The following DHX32 variants were observed in gnomAD, a reference collection of about 807,000 sequenced individuals.
DHX32 encodes the protein DEAH-box helicase 32 (putative), also known as putative pre-mRNA-splicing factor ATP-dependent RNA helicase DHX32.
Under a neutral mutation model 70.0 loss-of-function variants are expected in DHX32, and 51 were observed. The ratio of observed to expected loss-of-function variants is 0.73; its 90% CI spans 0.58 to 0.92. DHX32 has a LOEUF of 0.92. Among genes scored for constraint, DHX32 ranks in the 40% least tolerant of loss-of-function variants. The probability of loss-of-function intolerance (pLI) is 0.00; values close to 1 mark genes in which losing one functional copy is unlikely to be tolerated. For missense variants in DHX32, 762 were observed against 891.8 expected (o/e 0.85, Z 1.85); for synonymous variants, 310 against 315.3 (o/e 0.98, Z 0.18).
At chr10:125,853,321 C>A in intron 4 of DHX32, 1 of 808,892 alleles carries the variant, frequency 1.2e-6, no homozygotes, top group Non-Finnish European at 1.8e-6. Context: ...GTAAATTAGT[C>A]AATATTTGTT....
At chr10:125,863,729 G>A (rs1221509963) in intron 2 of DHX32, among the ~76,000 whole-genome samples, 3 of 152,144 alleles carry the variant, frequency 2.0e-5, no homozygotes, top group African/African-American at 4.8e-5. Context: ...GATTACAGGC[G>A]TGAGCCACCG....
chr10:125,882,473 A>G (rs1315276649), upstream of DHX32, among the ~76,000 whole-genome samples: 5 of 151,180 alleles, frequency 3.3e-5, no homozygotes, highest in Admixed American at 1.3e-4. Flanking sequence ...AGTGTCTTCT[A>G]AGGGCTTATT....
At chr10:125,874,713 CT>C (rs1321650392) in intron 1 of DHX32, among the ~76,000 whole-genome samples, 1 of 152,078 alleles carries the variant, frequency 6.6e-6, no homozygotes, top group Non-Finnish European at 1.5e-5. Context: ...AGAATAAACC[CT>C]GTAGTGCTAA....
At chr10:125,879,006 C>T (rs1179861871) in intron 1 of DHX32, among the ~76,000 whole-genome samples, 1 of 145,666 alleles carries the variant, frequency 6.9e-6, no homozygotes, top group Non-Finnish European at 1.5e-5. Context: ...CAGCGCCCAG[C>T]CTTTTCTTGT....
intron 1 of DHX32, among the ~76,000 whole-genome samples, chr10:125,895,436 C>CA (rs1480884391): frequency 7.2e-5 from 11 of 152,260 alleles, no homozygotes; most frequent in Non-Finnish European, 1.5e-4. Flanking sequence ...CTTAATGCCC[C>CA]TGCACTTTCT....
chr10:125,864,656 C>T (rs953162817), intron 2 of DHX32, among the ~76,000 whole-genome samples: 3 of 151,990 alleles, frequency 2.0e-5, no homozygotes, highest in Non-Finnish European at 2.9e-5. Context: ...AGGCTGGGTG[C>T]GGTAGCTCAC....
In DHX32 at chr10:125,841,736, A is replaced by T; in HGVS notation, c.1543+7T>A. On this transcript the variant is annotated splice_region_variant and intron_variant, in intron 7 of 10. Transcript: ENST00000284690. The stretch of plus-strand genomic sequence containing the variant: ...AAAAAAAGAAAAGGAATAGTCATTA[A>T]GGATACCTGTTACCATGGCTGCGAT... 4 of 1,604,716 alleles carry T rather than the reference A, an allele frequency of 2.5e-6. No homozygotes were observed. The highest frequency in any genetic ancestry group is 3.4e-6 in the Non-Finnish European group (4 of 1,178,124).
At chr10:125,861,891 G>A (rs1468936733) in intron 2 of DHX32, among the ~76,000 whole-genome samples, 4 of 151,676 alleles carry the variant, frequency 2.6e-5, no homozygotes, top group African/African-American at 9.7e-5. Context: ...GTAGTCTTGG[G>A]GATCTTGACA....
At chr10:125,891,237 TTG>T (rs1944369052) in intron 1 of DHX32, among the ~76,000 whole-genome samples, 1 of 152,376 alleles carries the variant, frequency 6.6e-6, no homozygotes, top group Admixed American at 6.5e-5. Flanking sequence ...GAGAAAAATT[TTG>T]TGTGAGATTC....
Position 125,880,834 on chromosome 10 carries a change from C to A in DHX32, c.-10G>T, listed in dbSNP as rs1424833296. The A allele has an allele frequency of 6.2e-7, 1 of 1,605,048 alleles. No individual in the cohort carries two copies. The highest frequency in any genetic ancestry group is 1.7e-5 in the Admixed American group (1 of 58,410). On this transcript the variant is annotated 5_prime_UTR_variant, in exon 1 of 11. Transcript: ENST00000284690. The stretch of plus-strand genomic sequence containing the variant: ...GCCCTTCTTCTTCCATCTTGTCTGA[C>A]AGTGAGCTCACGCAGCTGACATTCC...
intron 1 of DHX32, among the ~76,000 whole-genome samples, chr10:125,879,901 C>T (rs545886456): frequency 1.1e-3 from 168 of 152,330 alleles, no homozygotes; most frequent in Non-Finnish European, 1.9e-3. Flanking sequence ...ACCTTGGTCT[C>T]CCAAAGTGCT....
At chr10:125,841,181 C>T in intron 7 of DHX32, 185 bp from the exon 8 acceptor site, 1 of 1,427,590 alleles carries the variant, frequency 7.0e-7, no homozygotes, top group Non-Finnish European at 9.7e-7. Flanking sequence ...AATTCTCCCT[C>T]TCCTTTTGTG....
intron 1 of DHX32, among the ~76,000 whole-genome samples, chr10:125,867,848 A>G (rs758108671): frequency 1.3e-5 from 2 of 152,082 alleles, no homozygotes; most frequent in East Asian, 3.8e-4. Flanking sequence ...TTTGATTAGA[A>G]GGCCCATCAA....
At position 125,859,649 on chromosome 10, in the gene DHX32, T is replaced by G. The variant is rs776786577; in HGVS notation, c.803A>C (p.His268Pro). The G allele has an allele frequency of 6.2e-7, 1 of 1,608,090 alleles. No individual in the cohort carries two copies. The highest frequency in any genetic ancestry group is 1.1e-5 in the South Asian group (1 of 89,726). Reference protein sequence around the residue: ...SILRLIFEIHHSGEKGDIVVF... With the variant: ...SILRLIFEIHPSGEKGDIVVF... ...TACAATGTCACCTTTCTCACCCGAG[T>G]GGTGAATTTCAAAGATAAGGCGTAA... The change falls in exon 3 of 11, where the codon CAC becomes CCC. Residue 268 changes from histidine to proline, a missense_variant. Transcript: ENST00000284690.
intron 8 of DHX32, among the ~76,000 whole-genome samples, chr10:125,840,415 GTATC>G (rs1388776183): frequency 4.6e-5 from 7 of 152,246 alleles, no homozygotes; most frequent in Non-Finnish European, 5.9e-5. Context: ...TTCTGCACTA[GTATC>G]TGGAGCTCTG....
chr10:125,856,963 T>C (rs1272945219), intron 3 of DHX32, among the ~76,000 whole-genome samples: 1 of 152,126 alleles, frequency 6.6e-6, no homozygotes, highest in Non-Finnish European at 1.5e-5. Context: ...TCTAAGTAAA[T>C]AAATACAAAT....
In DHX32 at chr10:125,852,740, T is replaced by C. The variant is rs1944108253; in HGVS notation, c.1093-98A>G. 5.8e-6 allele frequency: 6 copies of C among 1,036,858 alleles called. No homozygotes were observed. The East Asian group carries it at 1.2e-4, about 21-fold the overall frequency. 64.2% of individuals were successfully genotyped at this position (1,036,858 alleles called of 1,614,324 possible). On this transcript the variant is annotated intron_variant, in intron 4 of 10. Coordinates refer to ENST00000284690, the MANE Select transcript of DHX32 (RefSeq NM_018180.3). ...ATATGCTGCGCAGTACTTTACTCCA[T>C]GAAATGCACTGCCACAGACTCATTT...
intron 1 of DHX32, among the ~76,000 whole-genome samples, chr10:125,892,410 CCTCCTTA>C (rs1944376870): frequency 6.6e-6 from 1 of 152,310 alleles, no homozygotes; most frequent in African/African-American, 2.4e-5. Flanking sequence ...TGACCCAAAT[CCTCCTTA>C]TTACCTTTAA....
At chr10:125,869,137 T>C (rs1183876321) in intron 1 of DHX32, among the ~76,000 whole-genome samples, 2 of 152,260 alleles carry the variant, frequency 1.3e-5, no homozygotes, top group African/African-American at 4.8e-5. Flanking sequence ...CCTCCTTTAT[T>C]CCTTAGCAAG....
Sources: gnomAD v4.1 joint callset for allele counts (sites outside exome capture counted in the v4.1 genomes callset) on GRCh38, gnomAD v4.1.1 for gene constraint, MANE v1.5 for transcripts, NCBI Gene and HGNC (gene_info 2026-07-23, HGNC 2026-07-21) for gene names.